KCNH8: variants seen among roughly 807,000 people sequenced by gnomAD.
KCNH8 encodes voltage-gated delayed rectifier potassium channel KCNH8.
A neutral mutation model predicts 103.6 loss-of-function variants in KCNH8; 70 were observed. The observed-to-expected ratio is 0.68, with a 90% CI of 0.56 to 0.82. KCNH8 has a LOEUF of 0.82. Ranked by LOEUF, KCNH8 falls within the 40% of genes least tolerant of loss-of-function variation. KCNH8 has a pLI of 0.00. For synonymous variants in KCNH8, 498 were observed against 489.4 expected, an observed-to-expected ratio of 1.02 and a Z score of -0.23; for missense variants, 1,217 against 1,329.9, an observed-to-expected ratio of 0.92 and a Z score of 1.32.
At chr3:19,332,244 C>T (rs186753677) in intron 3 of KCNH8, among the ~76,000 whole-genome samples, 1 of 152,242 alleles carries the variant, frequency 6.6e-6, no homozygotes, top group Admixed American at 6.5e-5. Context: ...TTATTACAGT[C>T]ATACCAACCC....
intron 2 of KCNH8, among the ~76,000 whole-genome samples, chr3:19,274,563 C>T (rs975213928): frequency 6.6e-6 from 1 of 152,086 alleles, no homozygotes; most frequent in Admixed American, 6.6e-5. Context: ...ATTAGTTCTA[C>T]TGGTCAATAA....
chr3:19,193,961 AT>A (rs2063577212), intron 1 of KCNH8, among the ~76,000 whole-genome samples: 1 of 151,764 alleles, frequency 6.6e-6, no homozygotes, highest in Admixed American at 6.6e-5. Context: ...GGGAGGTGAT[AT>A]TGAGAGACTA....
At chr3:19,496,245 A>G (rs1414910719) in intron 11 of KCNH8, among the ~76,000 whole-genome samples, 2 of 152,124 alleles carry the variant, frequency 1.3e-5, no homozygotes, top group Admixed American at 6.6e-5. Flanking sequence ...AATAGGAGTC[A>G]TGATAGAGGG....
At chr3:19,159,957 TA>T (rs1401686655) in intron 1 of KCNH8, among the ~76,000 whole-genome samples, 3 of 152,032 alleles carry the variant, frequency 2.0e-5, no homozygotes, top group Admixed American at 6.6e-5. Context: ...TCTTTGGTAT[TA>T]AAAAAATCCT....
intron 5 of KCNH8, among the ~76,000 whole-genome samples, chr3:19,384,355 A>T (rs941807949): frequency 6.6e-6 from 1 of 152,226 alleles, no homozygotes; most frequent in African/African-American, 2.4e-5. Flanking sequence ...TGCACAAGGC[A>T]AAGAACACAA....
intron 7 of KCNH8, among the ~76,000 whole-genome samples, chr3:19,435,423 A>T (rs975514917): frequency 6.6e-6 from 1 of 152,158 alleles, no homozygotes; most frequent in Non-Finnish European, 1.5e-5. Context: ...TACCTATTCC[A>T]TAGGGTTAGT....
At chr3:19,463,515 AT>A (rs2067676413) in intron 11 of KCNH8, among the ~76,000 whole-genome samples, 2 of 152,180 alleles carry the variant, frequency 1.3e-5, no homozygotes, top group Non-Finnish European at 2.9e-5. Context: ...CAGATAAAAA[AT>A]ATGCTCAAAA....
chr3:19,275,577 T>G (rs982748021), intron 2 of KCNH8, among the ~76,000 whole-genome samples: 3 of 152,148 alleles, frequency 2.0e-5, no homozygotes, highest in Non-Finnish European at 4.4e-5. Flanking sequence ...GGAAGAAATG[T>G]TCACTGCAGA....
intron 1 of KCNH8, among the ~76,000 whole-genome samples, chr3:19,197,240 G>C (rs2063611260): frequency 6.6e-6 from 1 of 151,898 alleles, no homozygotes; most frequent in Non-Finnish European, 1.5e-5. Flanking sequence ...CAACAATTTT[G>C]CCCTCTATAC....
intron 1 of KCNH8, among the ~76,000 whole-genome samples, chr3:19,193,283 A>G (rs2063570614): frequency 6.6e-6 from 1 of 151,704 alleles, no homozygotes; most frequent in African/African-American, 2.4e-5. Flanking sequence ...AGAATTGACT[A>G]TGAATGTAAA....
chr3:19,440,704 A>G (rs970228196), intron 8 of KCNH8, among the ~76,000 whole-genome samples: 4 of 152,164 alleles, frequency 2.6e-5, no homozygotes, highest in African/African-American at 9.7e-5. Flanking sequence ...TATCAAGTGT[A>G]TAACCAAATA....
At chr3:19,273,920 T>C (rs941821790) in intron 2 of KCNH8, among the ~76,000 whole-genome samples, 4 of 152,176 alleles carry the variant, frequency 2.6e-5, no homozygotes, top group African/African-American at 9.6e-5. Flanking sequence ...GTTCTACTCT[T>C]ATTCCTGGTT....
chr3:19,392,318 C>CAAA (rs10662694), intron 6 of KCNH8, among the ~76,000 whole-genome samples: 1,889 of 125,344 alleles, frequency 0.015, 31 homozygotes, highest in African/African-American at 0.034. Context: ...ACATCTGTGT[C>CAAA]AAAAAAAAAA....
rs115625823 is a variant in KCNH8, at chr3:19,206,834, A to G, written c.77-46820A>G. Among the ~76,000 whole-genome samples, 381 of 152,180 alleles carry G rather than the reference A, an allele frequency of 2.5e-3. 2 individuals carry two copies. Among genetic ancestry groups the G allele is most frequent in the African/African-American group, 8.7e-3 (360 of 41,548 alleles). On this transcript the variant is annotated intron_variant, in intron 1 of 15. Coordinates refer to ENST00000328405, the MANE Select transcript of KCNH8 (RefSeq NM_144633.3). ...TGATGAAATCAGAACCAAATGCAGA[A>G]AGAATTTAGAGAGAAAAGCCTGCCA...
chr3:19,367,381 T>A (rs1344690287), intron 5 of KCNH8, among the ~76,000 whole-genome samples: 1 of 140,796 alleles, frequency 7.1e-6, no homozygotes, highest in Non-Finnish European at 1.5e-5. Flanking sequence ...GTACCCCCAC[T>A]CTCTCTCTCT....
At chr3:19,501,773 T>A (rs1349209428) in intron 11 of KCNH8, among the ~76,000 whole-genome samples, 1 of 152,096 alleles carries the variant, frequency 6.6e-6, no homozygotes, top group Non-Finnish European at 1.5e-5. Flanking sequence ...ATGTGACGTA[T>A]CTCAAAATAA....
At chr3:19,351,432 G>A (rs1310535622) in intron 5 of KCNH8, among the ~76,000 whole-genome samples, 4 of 149,916 alleles carry the variant, frequency 2.7e-5, no homozygotes, top group Non-Finnish European at 5.9e-5. Flanking sequence ...ACACATAATT[G>A]TCAGATTCAC....
At position 19,533,931 on chromosome 3, in the gene KCNH8, G is replaced by A. The variant is rs776019112; in HGVS notation, c.3156G>A (p.Glu1052=). 19 of 1,614,002 alleles carry A rather than the reference G, an allele frequency of 1.2e-5. No individual in the cohort carries two copies. Among genetic ancestry groups the A allele is most frequent in the South Asian group, 7.7e-5 (7 of 91,094 alleles). ...TAGTTCTCCCAAGCAGATCAGAGGA[G>A]GGCAGCTTCAGTCAGGGAACTGTGA... ...LHLVLPSRSE[E]GSFSQGTVSS... Residue 1052 remains glutamate, a synonymous_variant, in exon 16 of 16, where the codon GAG becomes GAA. Transcript: ENST00000328405.
At chr3:19,393,695 A>G (rs1022969426) in intron 6 of KCNH8, among the ~76,000 whole-genome samples, 1 of 152,098 alleles carries the variant, frequency 6.6e-6, no homozygotes, top group Admixed American at 6.6e-5. Flanking sequence ...GAGAAATCAT[A>G]GATGAGAACT....
Sources: allele counts gnomAD v4.1 joint callset (sites outside exome capture counted in the v4.1 genomes callset), GRCh38; gene constraint gnomAD v4.1.1; transcripts MANE v1.5; gene names NCBI Gene and HGNC (gene_info 2026-07-23, HGNC 2026-07-21).